NPHP1: variants seen among roughly 807,000 people sequenced by gnomAD.
The protein encoded by NPHP1 is nephrocystin 1.
A neutral mutation model predicts 90.4 loss-of-function variants in NPHP1; 70 were observed. The observed-to-expected ratio is 0.77, with a 90% CI of 0.64 to 0.95. The LOEUF is 0.95. Ranked by LOEUF, NPHP1 falls within the 40% of genes least tolerant of loss-of-function variation. The probability of loss-of-function intolerance (pLI) is 0.00; values close to 1 mark genes in which losing one functional copy is unlikely to be tolerated. For synonymous variants in NPHP1, 256 were observed against 271.7 expected, an observed-to-expected ratio of 0.94 and a Z score of 0.57; for missense variants, 764 against 795.9, an observed-to-expected ratio of 0.96 and a Z score of 0.48.
At chr2:110,179,847 T>C (rs1683765737) in intron 2 of NPHP1, among the ~76,000 whole-genome samples, 163 bp from the exon 3 acceptor site, 1 of 152,154 alleles carries the variant, frequency 6.6e-6, no homozygotes, top group African/African-American at 2.4e-5. Flanking sequence ...TTAGCTCAGA[T>C]GATCCTCATA....
At chr2:110,177,772 T>C (rs1231990957) in intron 4 of NPHP1, among the ~76,000 whole-genome samples, 1 of 151,858 alleles carries the variant, frequency 6.6e-6, no homozygotes, top group Non-Finnish European at 1.5e-5. Context: ...AGAGACAGTG[T>C]CTCACTCCGT....
chr2:110,193,601 G>A (rs1318081308), intron 2 of NPHP1, among the ~76,000 whole-genome samples: 1 of 152,094 alleles, frequency 6.6e-6, no homozygotes, highest in Non-Finnish European at 1.5e-5. Flanking sequence ...AGATCAACGG[G>A]ACAGAAAGTT....
At chr2:110,165,242 G>A (rs1165110935) in intron 6 of NPHP1, 87 bp from the exon 7 acceptor site, 5 of 1,006,862 alleles carry the variant, frequency 5.0e-6, no homozygotes, top group African/African-American at 3.2e-5. Flanking sequence ...TAACCCTCCA[G>A]TAAAAACAAA....
In NPHP1 at chr2:110,146,828, C is replaced by T. The variant is rs202159545; in HGVS notation, c.1277G>A (p.Gly426Asp). ...GCCACAGCTTAACTCTCCTCTTTCA[C>T]CAGTTGACTAGGAAATAAGACAAGT... is the stretch of plus-strand genomic sequence containing the variant. ...LGISYIRNST[G>D]ERGELSCGWV... The change falls in exon 14 of 20, where the codon GGT (glycine) becomes GAT (aspartate). Residue 426 changes from glycine (G) to aspartate (D), a missense_variant. Physicochemically the swap from Gly to Asp is moderately conservative, Grantham distance 94. Transcript: ENST00000445609. 1.2e-5 allele frequency: 20 copies of T among 1,612,096 alleles called. No homozygotes were observed. The East Asian group carries it at 4.0e-4, about 32-fold the overall frequency.
chr2:110,144,104 G>T (rs1433383182), intron 15 of NPHP1: 1 of 318,804 alleles, frequency 3.1e-6, no homozygotes, highest in African/African-American at 2.2e-5. Flanking sequence ...CTAGCACAGT[G>T]CCTGGTTAAT....
At chr2:110,136,577 C>CTTG (rs1680219382) in intron 16 of NPHP1, among the ~76,000 whole-genome samples, 1 of 152,022 alleles carries the variant, frequency 6.6e-6, no homozygotes, top group Non-Finnish European at 1.5e-5. Flanking sequence ...TTCACAATTG[C>CTTG]TACAAAGAGA....
chr2:110,200,477 C>T (rs1044069824), intron 2 of NPHP1, among the ~76,000 whole-genome samples: 3 of 151,852 alleles, frequency 2.0e-5, no homozygotes, highest in African/African-American at 2.4e-5. Flanking sequence ...GCAGAAGAAT[C>T]GCTTGAACCT....
At chr2:110,179,581 T>C (rs1683743698) in intron 3 of NPHP1, 43 bp downstream of exon 3, 2 of 921,514 alleles carry the variant, frequency 2.2e-6, no homozygotes, top group East Asian at 2.5e-5. Context: ...AATACTTGTA[T>C]AGGAAGAGAT....
intron 16 of NPHP1, among the ~76,000 whole-genome samples, chr2:110,133,882 C>T (rs1211641712): frequency 6.6e-6 from 1 of 151,562 alleles, no homozygotes; most frequent in Non-Finnish European, 1.5e-5. Context: ...GAAAACAGTC[C>T]TAAGAGGGAA....
At chr2:110,199,073 A>G (rs1000807730) in intron 2 of NPHP1, among the ~76,000 whole-genome samples, 2 of 152,120 alleles carry the variant, frequency 1.3e-5, no homozygotes, top group African/African-American at 4.8e-5. Flanking sequence ...AATCAATATG[A>G]AAACAGGAAC....
At chr2:110,201,393 A>G in intron 2 of NPHP1, 28 bp downstream of exon 2, 1 of 1,433,346 alleles carries the variant, frequency 7.0e-7, no homozygotes. Context: ...CGGTTCCTGT[A>G]AAGCTTATAT....
At chr2:110,127,574 A>G (rs886741587) in intron 18 of NPHP1, 1 of 152,152 alleles carries the variant, frequency 6.6e-6, no homozygotes, top group Non-Finnish European at 1.5e-5. Flanking sequence ...ATATATTTAT[A>G]CTTATTATGG....
At chr2:110,144,808 A>G (rs1680898042) in intron 14 of NPHP1, among the ~76,000 whole-genome samples, 2 of 152,172 alleles carry the variant, frequency 1.3e-5, no homozygotes, top group Admixed American at 6.5e-5. Context: ...ACTGTAGAAA[A>G]TACATTTTTC....
At chr2:110,179,423 T>C (rs1482814458) in intron 3 of NPHP1, among the ~76,000 whole-genome samples, 2 of 152,218 alleles carry the variant, frequency 1.3e-5, no homozygotes, top group African/African-American at 4.8e-5. Flanking sequence ...GCTGAACATT[T>C]TTCGGTAGTT....
At chr2:110,144,783 C>G (rs1680896203) in intron 14 of NPHP1, among the ~76,000 whole-genome samples, 1 of 152,128 alleles carries the variant, frequency 6.6e-6, no homozygotes, top group Non-Finnish European at 1.5e-5. Context: ...AGAAAATTAT[C>G]TTTCCTAACT....
At chr2:110,161,488 T>C (rs1205138093) in intron 10 of NPHP1, 115 bp downstream of exon 10, 8 of 699,852 alleles carry the variant, frequency 1.1e-5, no homozygotes, top group South Asian at 3.6e-5. Context: ...AAAATTATCA[T>C]AAACAATTTT....
chr2:110,179,114 G>C (rs1683706940), intron 3 of NPHP1, among the ~76,000 whole-genome samples: 1 of 151,124 alleles, frequency 6.6e-6, no homozygotes, highest in Non-Finnish European at 1.5e-5. Flanking sequence ...ATGAGTCTCT[G>C]GACCTGGACA....
intron 8 of NPHP1, chr2:110,164,177 C>T (rs1682545244): frequency 3.1e-6 from 1 of 325,764 alleles, no homozygotes; most frequent in Non-Finnish European, 5.8e-6. Flanking sequence ...GCTGGGACTA[C>T]AGGCATGAGC....
chr2:110,144,472 G>A lies in NPHP1; in HGVS notation c.1429+21C>T, dbSNP rs1553484061. ...TTTGTTTAATCTTTAAGGAAAGGAA[G>A]ACAACACATGAGAGCCATACCTCTT... On this transcript the variant is annotated intron_variant, in intron 15 of 19. Coordinates refer to ENST00000445609, the MANE Select transcript of NPHP1 (RefSeq NM_001128178.3). 13 of 1,504,546 alleles carry A rather than the reference G, an allele frequency of 8.6e-6. 1 individual carries two copies. In the Admixed American group the frequency reaches 2.2e-4, roughly 25 times the overall value. 93.2% of individuals were successfully genotyped at this position (1,504,546 alleles called of 1,614,324 possible).
Sources: gnomAD v4.1 joint callset for allele counts (sites outside exome capture counted in the v4.1 genomes callset) on GRCh38, gnomAD v4.1.1 for gene constraint, MANE v1.5 for transcripts, NCBI Gene and HGNC (gene_info 2026-07-23, HGNC 2026-07-21) for gene names.